TLN2: variants seen among roughly 807,000 people sequenced by gnomAD.
The protein encoded by TLN2 is talin-2.
A neutral mutation model predicts 294.7 loss-of-function variants in TLN2; 118 were observed. The observed-to-expected ratio is 0.40, with a 90% CI of 0.34 to 0.47. TLN2 has a LOEUF of 0.47. Among genes scored for constraint, TLN2 ranks in the 20% least tolerant of loss-of-function variants. TLN2 has a pLI of 0.84. For missense variants in TLN2, 3,083 were observed against 3,282.2 expected, an observed-to-expected ratio of 0.94 and a Z score of 1.48; for synonymous variants, 1,431 against 1,304.5, an observed-to-expected ratio of 1.10 and a Z score of -2.09.
intron 45 of TLN2, 26 bp downstream of exon 45, chr15:62,783,916 T>C: frequency 6.2e-7 from 1 of 1,612,856 alleles, no homozygotes; most frequent in Non-Finnish European, 8.5e-7. Flanking sequence ...ACCCCTATTT[T>C]AAGATGCACA....
At chr15:62,768,708 A>T (rs996884768) in intron 41 of TLN2, among the ~76,000 whole-genome samples, 3 of 152,228 alleles carry the variant, frequency 2.0e-5, no homozygotes, top group Non-Finnish European at 4.4e-5. Flanking sequence ...ATGTCTCAAG[A>T]ACTAATGGTG....
chr15:62,786,612 T>G, intron 45 of TLN2, among the ~76,000 whole-genome samples: 1 of 152,134 alleles, frequency 6.6e-6, no homozygotes, highest in East Asian at 1.9e-4. Flanking sequence ...CTGAGGAAAA[T>G]GTGCAGTAAC....
intron 1 of TLN2, among the ~76,000 whole-genome samples, chr15:62,562,382 G>A (rs2043038889): frequency 6.6e-6 from 1 of 152,078 alleles, no homozygotes; most frequent in Non-Finnish European, 1.5e-5. Flanking sequence ...GTCCTTCACT[G>A]GGGATGTGTT....
intron 38 of TLN2, 34 bp downstream of exon 38, chr15:62,761,855 T>C: frequency 6.2e-7 from 1 of 1,610,048 alleles, no homozygotes; most frequent in Non-Finnish European, 8.5e-7. Context: ...CATACTAAGG[T>C]CTTTGGCTAA....
intron 1 of TLN2, among the ~76,000 whole-genome samples, chr15:62,580,445 C>G (rs1480535824): frequency 7.8e-6 from 1 of 128,878 alleles, no homozygotes. Context: ...TTGTCTTGCT[C>G]TGTTGCTCAG....
chr15:62,477,847 A>C (rs2037858965), intron 1 of TLN2, among the ~76,000 whole-genome samples: 1 of 132,548 alleles, frequency 7.5e-6, no homozygotes, highest in Non-Finnish European at 1.6e-5. Context: ...GGGTCCAAGC[A>C]GCAACTTGGC....
chr15:62,724,182 A>T (rs1382646582), intron 26 of TLN2, among the ~76,000 whole-genome samples: 1 of 152,180 alleles, frequency 6.6e-6, no homozygotes, highest in Non-Finnish European at 1.5e-5. Flanking sequence ...AGGCTCTGGA[A>T]TCAGACTGTC....
intron 28 of TLN2, among the ~76,000 whole-genome samples, chr15:62,730,329 C>T (rs981388954): frequency 3.9e-5 from 6 of 152,030 alleles, no homozygotes; most frequent in Admixed American, 1.3e-4. Flanking sequence ...TGTGAGCCAC[C>T]GCACCCAGCC....
At chr15:62,617,662 G>T (rs2048421955) in intron 2 of TLN2, among the ~76,000 whole-genome samples, 1 of 152,158 alleles carries the variant, frequency 6.6e-6, no homozygotes, top group South Asian at 2.1e-4. Context: ...ATCAGGTGCC[G>T]TGACAGCATC....
At chr15:62,426,700 G>C (rs571504856) in intron 1 of TLN2, among the ~76,000 whole-genome samples, 1 of 152,274 alleles carries the variant, frequency 6.6e-6, no homozygotes, top group African/African-American at 2.4e-5. Flanking sequence ...TTTCTAGTTG[G>C]TCCAAAGCTT....
chr15:62,803,551 CTAAT>C (rs2066074982), intron 50 of TLN2, among the ~76,000 whole-genome samples: 1 of 152,162 alleles, frequency 6.6e-6, no homozygotes, highest in African/African-American at 2.4e-5. Context: ...TTCAAGCTTA[CTAAT>C]TATTTCTTCT....
At chr15:62,760,460 A>G (rs2062592841) in intron 37 of TLN2, among the ~76,000 whole-genome samples, 1 of 152,050 alleles carries the variant, frequency 6.6e-6, no homozygotes, top group Non-Finnish European at 1.5e-5. Context: ...CAATTGTCTA[A>G]ATTGGCTTTA....
chr15:62,551,112 A>G (rs116250124), intron 1 of TLN2, among the ~76,000 whole-genome samples: 41 of 152,242 alleles, frequency 2.7e-4, no homozygotes, highest in African/African-American at 8.9e-4. Flanking sequence ...GTGGTTCACA[A>G]TAGGGTTTGC....
At chr15:62,618,902 C>G (rs1003107202) in intron 3 of TLN2, among the ~76,000 whole-genome samples, 1 of 152,170 alleles carries the variant, frequency 6.6e-6, no homozygotes, top group African/African-American at 2.4e-5. Context: ...TCTTGAGTTG[C>G]TGTTAATGTT....
At chr15:62,749,755 G>A (rs2061819124) in intron 33 of TLN2, among the ~76,000 whole-genome samples, 1 of 152,180 alleles carries the variant, frequency 6.6e-6, no homozygotes, top group Non-Finnish European at 1.5e-5. Flanking sequence ...TACAAGTGGT[G>A]ATCAAGTTCA....
intron 1 of TLN2, among the ~76,000 whole-genome samples, chr15:62,498,783 A>G (rs1271411158): frequency 6.6e-6 from 1 of 152,054 alleles, no homozygotes; most frequent in Non-Finnish European, 1.5e-5. Context: ...CTAATCAGTC[A>G]CCAATTCATT....
intron 21 of TLN2, among the ~76,000 whole-genome samples, chr15:62,710,585 G>T (rs2059360864): frequency 1.3e-5 from 2 of 152,078 alleles, no homozygotes; most frequent in African/African-American, 4.8e-5. Flanking sequence ...ACCTTTCCCA[G>T]TTTCTCCATT....
chr15:62,780,746 C>G (rs2064095016), intron 43 of TLN2, among the ~76,000 whole-genome samples: 1 of 152,258 alleles, frequency 6.6e-6, no homozygotes, highest in African/African-American at 2.4e-5. Flanking sequence ...TCCTTTCCCA[C>G]CTCATCTTCT....
chr15:62,548,855 G>T (rs1029248484), intron 1 of TLN2, among the ~76,000 whole-genome samples: 1 of 152,084 alleles, frequency 6.6e-6, no homozygotes, highest in Non-Finnish European at 1.5e-5. Context: ...AAATAATGTC[G>T]ACTCAAGGAT....
Sources: gnomAD v4.1 joint callset for allele counts (sites outside exome capture counted in the v4.1 genomes callset) on GRCh38, gnomAD v4.1.1 for gene constraint, MANE v1.5 for transcripts, NCBI Gene and HGNC (gene_info 2026-07-23, HGNC 2026-07-21) for gene names.